Variants in JAKMIP2 observed in about 807,000 individuals in gnomAD.
JAKMIP2 encodes the protein janus kinase and microtubule interacting protein 2, also known as janus kinase and microtubule-interacting protein 2.
A neutral mutation model predicts 115.0 loss-of-function variants in JAKMIP2; 25 were observed. The observed-to-expected ratio is 0.22, with a 90% CI of 0.16 to 0.30. The LOEUF is 0.30. Among genes scored for constraint, JAKMIP2 ranks in the 10% least tolerant of loss-of-function variants. JAKMIP2 has a pLI of 1.00. For synonymous variants in JAKMIP2, 334 were observed against 343.6 expected, an observed-to-expected ratio of 0.97 and a Z score of 0.31; for missense variants, 642 against 957.6, an observed-to-expected ratio of 0.67 and a Z score of 4.35.
intron 1 of JAKMIP2, among the ~76,000 whole-genome samples, chr5:147,753,182 T>C (rs775532811): frequency 1.3e-5 from 2 of 152,122 alleles, no homozygotes; most frequent in African/African-American, 2.4e-5. Flanking sequence ...ACCTGACTCA[T>C]AGTAGAAGCT....
chr5:147,625,756 A>G (rs1757066063), intron 16 of JAKMIP2, among the ~76,000 whole-genome samples: 4 of 152,172 alleles, frequency 2.6e-5, no homozygotes, highest in South Asian at 2.1e-4. Flanking sequence ...AATAAAAACA[A>G]TGGTACCCCA....
At chr5:147,630,038 T>C (rs1757286330) in intron 14 of JAKMIP2, among the ~76,000 whole-genome samples, 1 of 152,180 alleles carries the variant, frequency 6.6e-6, no homozygotes, top group African/African-American at 2.4e-5. Context: ...TGAAAGAGTC[T>C]AGCATGTAGT....
chr5:147,643,880 G>T lies in JAKMIP2; in HGVS notation c.1224+178C>A, dbSNP rs78202369. Among the ~76,000 whole-genome samples, 853 of 152,250 alleles carry T rather than the reference G, an allele frequency of 5.6e-3. 42 individuals are homozygous for T. In the East Asian group the frequency reaches 0.11, roughly 20 times the overall value. ...TTAACAAAGGGTTATAATTTAAAAG[G>T]TGTAAAGCAGTTGAACAATATAAAA... On this transcript the variant is annotated intron_variant, in intron 7 of 21. Coordinates refer to ENST00000616793, the MANE Select transcript of JAKMIP2 (RefSeq NM_001270941.2).
intron 1 of JAKMIP2, among the ~76,000 whole-genome samples, chr5:147,770,445 G>A (rs1276693865): frequency 1.3e-5 from 2 of 152,040 alleles, no homozygotes; most frequent in Non-Finnish European, 2.9e-5. Flanking sequence ...CCCGTTGGGT[G>A]TACAGACAGA....
chr5:147,622,515 T>C (rs556529575), intron 17 of JAKMIP2, among the ~76,000 whole-genome samples: 18 of 152,382 alleles, frequency 1.2e-4, no homozygotes, highest in African/African-American at 4.3e-4. Context: ...TTTACAATTC[T>C]GTGAATAGCT....
At chr5:147,707,106 T>A (rs964574000) in intron 1 of JAKMIP2, among the ~76,000 whole-genome samples, 1 of 152,134 alleles carries the variant, frequency 6.6e-6, no homozygotes, top group African/African-American at 2.4e-5. Context: ...CTAGGTACTG[T>A]GTTAAGTCTT....
At chr5:147,651,037 T>A (rs952652707) in intron 3 of JAKMIP2, among the ~76,000 whole-genome samples, 1 of 152,302 alleles carries the variant, frequency 6.6e-6, no homozygotes, top group South Asian at 2.1e-4. Context: ...AGTGGCCTAG[T>A]CATTTTTCCA....
intron 9 of JAKMIP2, among the ~76,000 whole-genome samples, chr5:147,640,353 G>C (rs534777527): frequency 6.6e-6 from 1 of 152,188 alleles, no homozygotes; most frequent in East Asian, 1.9e-4. Context: ...GATGAGGATG[G>C]TCCACAGAAC....
intron 1 of JAKMIP2, among the ~76,000 whole-genome samples, chr5:147,721,906 G>A (rs956514754): frequency 5.9e-5 from 9 of 152,116 alleles, no homozygotes; most frequent in African/African-American, 2.2e-4. Flanking sequence ...TCATACTAAA[G>A]TGTGGGAGGA....
At chr5:147,714,830 G>A (rs1163778158) in intron 1 of JAKMIP2, among the ~76,000 whole-genome samples, 2 of 152,110 alleles carry the variant, frequency 1.3e-5, no homozygotes, top group Non-Finnish European at 2.9e-5. Context: ...CACTGAAAAT[G>A]TCCTTCAAGA....
intron 1 of JAKMIP2, among the ~76,000 whole-genome samples, chr5:147,683,048 G>A (rs1259674283): frequency 1.3e-5 from 2 of 152,194 alleles, no homozygotes; most frequent in Non-Finnish European, 2.9e-5. Flanking sequence ...CTGTTGCAGA[G>A]TAAGAAGTGT....
chr5:147,693,744 T>C (rs1472740497), intron 1 of JAKMIP2, among the ~76,000 whole-genome samples: 1 of 152,248 alleles, frequency 6.6e-6, no homozygotes. Flanking sequence ...TTCAAGTTTT[T>C]GCACTTTCGT....
At chr5:147,631,904 A>G (rs891281850) in intron 13 of JAKMIP2, among the ~76,000 whole-genome samples, 7 of 152,330 alleles carry the variant, frequency 4.6e-5, no homozygotes, top group East Asian at 3.9e-4. Flanking sequence ...GTGGGCTACA[A>G]AAGAATGACT....
intron 17 of JAKMIP2, 120 bp from the exon 18 acceptor site, chr5:147,620,863 T>A: frequency 1.5e-6 from 1 of 680,640 alleles, no homozygotes. Flanking sequence ...ATTTGTAGAG[T>A]CATAAATTTT....
At chr5:147,666,529 C>T (rs73270115) in intron 2 of JAKMIP2, among the ~76,000 whole-genome samples, 3 of 152,102 alleles carry the variant, frequency 2.0e-5, no homozygotes, top group Non-Finnish European at 4.4e-5. Context: ...ACACATCAGT[C>T]CATTTAACCT....
chr5:147,724,466 T>TTA (rs1301544032), intron 1 of JAKMIP2, among the ~76,000 whole-genome samples: 3 of 152,208 alleles, frequency 2.0e-5, no homozygotes, highest in African/African-American at 7.2e-5. Flanking sequence ...CTGTAATGTG[T>TTA]TATGTACTTG....
chr5:147,671,461 C>A (rs1040828883), intron 2 of JAKMIP2, among the ~76,000 whole-genome samples: 2 of 152,342 alleles, frequency 1.3e-5, no homozygotes, highest in Non-Finnish European at 2.9e-5. Flanking sequence ...AGGCTAAGAT[C>A]TGTCTAGTGA....
chr5:147,742,157 T>A lies in JAKMIP2; in HGVS notation c.-149+40299A>T, dbSNP rs567983358. 9.8e-4 allele frequency among the ~76,000 whole-genome samples: 83 copies of A among 84,924 alleles called. 8 individuals are homozygous for A. The highest frequency in any genetic ancestry group is 3.0e-3 in the East Asian group (4 of 1,340). The allele number at this position is 84,924 out of a possible 152,430, so 55.7% of individuals were successfully genotyped here. On this transcript the variant is annotated intron_variant, in intron 1 of 21. Transcript: ENST00000616793. ...TGGATCATTATATATATATATATAT[T>A]TTTTTTACTATTGTATTGTATCTTT...
In JAKMIP2 at chr5:147,597,537, C is replaced by A. The variant is rs185458941; in HGVS notation, c.*20+4204G>T. On this transcript the variant is annotated intron_variant, in intron 21 of 21. Transcript: ENST00000616793. ...GTGTATGTGGATAAATAATCATGATCACCTGTTCTGTGGTCCTCCCAACTT... is the reference window on the plus strand; with the variant it reads ...GTGTATGTGGATAAATAATCATGATAACCTGTTCTGTGGTCCTCCCAACTT... Among the ~76,000 whole-genome samples the A allele has an allele frequency of 5.1e-4, 77 of 152,248 alleles. No individual in the cohort carries two copies. The East Asian group carries it at 6.0e-3, about 12-fold the overall frequency.
Sources: gnomAD v4.1 joint callset for allele counts (sites outside exome capture counted in the v4.1 genomes callset) on GRCh38, gnomAD v4.1.1 for gene constraint, MANE v1.5 for transcripts, NCBI Gene and HGNC (gene_info 2026-07-23, HGNC 2026-07-21) for gene names.